Variants in PLEK observed in about 807,000 individuals in gnomAD.
The protein encoded by PLEK is pleckstrin.
PLEK carries 25 observed loss-of-function variants against 43.9 expected under a neutral mutation model. The ratio of observed to expected loss-of-function variants is 0.57; its 90% CI spans 0.41 to 0.79. The LOEUF is 0.79. Among genes scored for constraint, PLEK ranks in the 30% least tolerant of loss-of-function variants. The probability of loss-of-function intolerance (pLI) is 0.00; values close to 1 mark genes in which losing one functional copy is unlikely to be tolerated. For synonymous variants in PLEK, 152 were observed against 144.4 expected (o/e 1.05, Z -0.38); for missense variants, 396 against 413.3 (o/e 0.96, Z 0.36).
At chr2:68,380,506 C>T (rs369227763) in intron 2 of PLEK, 23 bp downstream of exon 2, 349 of 1,608,300 alleles carry the variant, frequency 2.2e-4, no homozygotes, top group Non-Finnish European at 2.8e-4. Context: ...CATGAGCTGC[C>T]GTGAACCCCT....
intron 1 of PLEK, among the ~76,000 whole-genome samples, chr2:68,378,912 G>A (rs1673557522): frequency 1.3e-5 from 2 of 151,992 alleles, no homozygotes; most frequent in South Asian, 2.1e-4. Context: ...GAAGGAACAC[G>A]AGATCAGGAG....
Position 68,380,751 on chromosome 2 carries a change from A to T in PLEK, c.227A>T (p.Gln76Leu). The T allele has an allele frequency of 3.1e-6, 5 of 1,614,012 alleles. No individual in the cohort carries two copies. Among genetic ancestry groups the T allele is most frequent in the Non-Finnish European group, 4.2e-6 (5 of 1,179,892 alleles). Residue 76 changes from glutamine to leucine, a missense_variant, in exon 3 of 9, where the codon CAG becomes CTG. Coordinates refer to ENST00000234313, the MANE Select transcript of PLEK (RefSeq NM_002664.3). ...GTGTTTAAGATCACTACGACCAAAC[A>T]GCAGGACCACTTCTTCCAGGCAGCC... The part of the protein sequence containing the change: ...MFVFKITTTK[Q>L]QDHFFQAAFL...
intron 1 of PLEK, among the ~76,000 whole-genome samples, chr2:68,369,859 T>C (rs1673364030): frequency 6.6e-6 from 1 of 152,246 alleles, no homozygotes; most frequent in African/African-American, 2.4e-5. Context: ...CATTTCTGTA[T>C]TACTTATTTA....
intron 1 of PLEK, among the ~76,000 whole-genome samples, chr2:68,372,656 T>C (rs551664679): frequency 1.6e-4 from 25 of 152,244 alleles, no homozygotes; most frequent in Non-Finnish European, 3.2e-4. Context: ...GGTTTTGGCA[T>C]ATAATGGGTG....
At chr2:68,378,307 C>G (rs913242653) in intron 1 of PLEK, among the ~76,000 whole-genome samples, 4 of 152,066 alleles carry the variant, frequency 2.6e-5, no homozygotes, top group Non-Finnish European at 5.9e-5. Context: ...AGTTTTGACC[C>G]CAAATCATAG....
chr2:68,390,961 A>G (rs1159160068), intron 6 of PLEK, among the ~76,000 whole-genome samples: 1 of 152,240 alleles, frequency 6.6e-6, no homozygotes, highest in African/African-American at 2.4e-5. Flanking sequence ...CCACATTTAG[A>G]TTCCTTGAGG....
chr2:68,382,709 G>T, intron 4 of PLEK, 76 bp downstream of exon 4: 1 of 822,940 alleles, frequency 1.2e-6, no homozygotes, highest in Non-Finnish European at 2.1e-6. Context: ...CGTCTGTGAG[G>T]TGGGGGTATG....
At chr2:68,380,928 T>C (rs776737338) in intron 3 of PLEK, 24 bp downstream of exon 3, 104 of 1,595,350 alleles carry the variant, frequency 6.5e-5, no homozygotes, top group Non-Finnish European at 8.5e-5. Context: ...TTTACTTCTC[T>C]TTACCCATTC....
intron 8 of PLEK, among the ~76,000 whole-genome samples, chr2:68,395,267 A>G (rs1673942961): frequency 6.6e-6 from 1 of 151,070 alleles, no homozygotes; most frequent in Non-Finnish European, 1.5e-5. Context: ...TAACAGAAAG[A>G]CAGATAGATA....
chr2:68,376,251 A>G (rs1455273275), intron 1 of PLEK, among the ~76,000 whole-genome samples: 1 of 152,212 alleles, frequency 6.6e-6, no homozygotes, highest in East Asian at 1.9e-4. Context: ...TCTTGAGTTG[A>G]ACTGAACTCA....
intron 3 of PLEK, among the ~76,000 whole-genome samples, chr2:68,381,923 AG>A (rs1190964158): frequency 1.3e-5 from 2 of 152,344 alleles, no homozygotes; most frequent in South Asian, 2.1e-4. Flanking sequence ...CTCGGGCTAT[AG>A]GGAGCCACAG....
intron 4 of PLEK, among the ~76,000 whole-genome samples, chr2:68,386,069 A>G (rs1415076044): frequency 6.6e-6 from 1 of 151,526 alleles, no homozygotes; most frequent in Non-Finnish European, 1.5e-5. Flanking sequence ...TTTTATTTTT[A>G]AAGTTATTAT....
chr2:68,369,267 C>T (rs1673344275), intron 1 of PLEK, among the ~76,000 whole-genome samples: 1 of 152,192 alleles, frequency 6.6e-6, no homozygotes, highest in African/African-American at 2.4e-5. Flanking sequence ...GGCAAATGGC[C>T]TTGTCCAAAG....
intron 1 of PLEK, among the ~76,000 whole-genome samples, chr2:68,377,274 C>T (rs1443389737): frequency 6.6e-6 from 1 of 152,144 alleles, no homozygotes; most frequent in Non-Finnish European, 1.5e-5. Context: ...CCTTTCTTTA[C>T]AGTATATACC....
At chr2:68,381,224 A>G (rs1673607583) in intron 3 of PLEK, among the ~76,000 whole-genome samples, 1 of 152,210 alleles carries the variant, frequency 6.6e-6, no homozygotes, top group Non-Finnish European at 1.5e-5. Flanking sequence ...AAGCTTTAGG[A>G]TCTTTAGGTA....
At chr2:68,394,851 A>T (rs1673934176) in intron 8 of PLEK, among the ~76,000 whole-genome samples, 1 of 152,166 alleles carries the variant, frequency 6.6e-6, no homozygotes, top group Non-Finnish European at 1.5e-5. Context: ...TGTGGTTTTG[A>T]CATCCCAAAC....
At chr2:68,383,041 G>A (rs1296092957) in intron 4 of PLEK, among the ~76,000 whole-genome samples, 2 of 152,200 alleles carry the variant, frequency 1.3e-5, no homozygotes, top group Admixed American at 6.5e-5. Context: ...ACAGGGTCAG[G>A]TATTAAGTGT....
rs984634317 is a variant in PLEK, at chr2:68,397,413, A to T, written c.*1597A>T. On this transcript the variant is annotated 3_prime_UTR_variant, in exon 9 of 9. Transcript: ENST00000234313. ...TAAAGTATTTATTAATGGGAAGTCA[A>T]CTTAATGTTTTGAAATAAATATATG... 4 of 152,246 alleles carry T rather than the reference A, an allele frequency of 2.6e-5. No homozygotes were observed. The East Asian group carries it at 5.8e-4, about 22-fold the overall frequency. 9.4% of individuals were successfully genotyped at this position (152,246 alleles called of 1,614,324 possible). A position where few individuals can be genotyped will look rare whatever the true frequency, so the allele number is the denominator to read the frequency against.
chr2:68,385,202 G>A (rs1354040414), intron 4 of PLEK, among the ~76,000 whole-genome samples: 1 of 152,222 alleles, frequency 6.6e-6, no homozygotes, highest in African/African-American at 2.4e-5. Context: ...ATTGTGCAGT[G>A]ATCAAATCGT....
Sources: gnomAD v4.1 joint callset for allele counts (sites outside exome capture counted in the v4.1 genomes callset) on GRCh38, gnomAD v4.1.1 for gene constraint, MANE v1.5 for transcripts, NCBI Gene and HGNC (gene_info 2026-07-23, HGNC 2026-07-21) for gene names.